PLEKHH2: variants seen among roughly 807,000 people sequenced by gnomAD.
PLEKHH2 encodes the protein pleckstrin homology, MyTH4 and FERM domain containing H2, also known as pleckstrin homology domain-containing family H member 2.
A neutral mutation model predicts 187.9 loss-of-function variants in PLEKHH2; 129 were observed. The observed-to-expected ratio is 0.69, with a 90% CI of 0.59 to 0.79. PLEKHH2 has a LOEUF of 0.79. PLEKHH2 is among the 30% of genes least tolerant of loss of function. PLEKHH2 has a pLI of 0.00. For synonymous variants in PLEKHH2, 686 were observed against 605.6 expected, an observed-to-expected ratio of 1.13 and a Z score of -1.95; for missense variants, 2,076 against 1,751.2, an observed-to-expected ratio of 1.19 and a Z score of -3.31.
chr2:43,639,060 C>T (rs1033680383), intron 1 of PLEKHH2, among the ~76,000 whole-genome samples: 5 of 152,092 alleles, frequency 3.3e-5, no homozygotes, highest in East Asian at 1.9e-4. Context: ...TAGCAAAGTG[C>T]GCTAGGTAAG....
intron 18 of PLEKHH2, 27 bp downstream of exon 18, chr2:43,729,772 C>A: frequency 6.8e-7 from 1 of 1,468,490 alleles, no homozygotes; most frequent in Admixed American, 2.2e-5. Context: ...ATAAATAAAG[C>A]TTTATGGTTA....
intron 2 of PLEKHH2, chr2:43,676,366 G>A (rs759274710): frequency 6.7e-7 from 1 of 1,502,522 alleles, no homozygotes; most frequent in Non-Finnish European, 9.0e-7. Context: ...AGGCAGCCTG[G>A]GACCGGGTCC....
rs201634365 is a variant in PLEKHH2, at chr2:43,699,637, C to G, written c.689-10C>G. On this transcript the variant is annotated splice_polypyrimidine_tract_variant and intron_variant, in intron 7 of 29. Transcript: ENST00000282406. ...AAGGCAGCATGCTGATATGATGTAT[C>G]CTTTTCTAGAAATGGAAATTCCAGA... is the stretch of plus-strand genomic sequence containing the variant. 4.4e-6 allele frequency: 7 copies of G among 1,608,334 alleles called. No homozygotes were observed. In the East Asian group the frequency reaches 1.3e-4, roughly 31 times the overall value.
intron 2 of PLEKHH2, among the ~76,000 whole-genome samples, chr2:43,670,625 T>C (rs889818147): frequency 4.5e-5 from 2 of 44,876 alleles, no homozygotes; most frequent in African/African-American, 1.7e-4. Context: ...ATATTCTAAT[T>C]TTTTTTTTTT....
chr2:43,652,537 C>G (rs2104352606), intron 2 of PLEKHH2, among the ~76,000 whole-genome samples: 1 of 152,272 alleles, frequency 6.6e-6, no homozygotes, highest in Non-Finnish European at 1.5e-5. Flanking sequence ...ACCCTTTATT[C>G]TACAGGAGGA....
intron 6 of PLEKHH2, among the ~76,000 whole-genome samples, chr2:43,696,147 AC>A (rs751707660): frequency 2.0e-4 from 31 of 152,080 alleles, no homozygotes; most frequent in Non-Finnish European, 3.8e-4. Context: ...TTTAAAAAAA[AC>A]ATATATCTCC....
At chr2:43,726,652 G>T (rs1253727946) in intron 17 of PLEKHH2, among the ~76,000 whole-genome samples, 1 of 152,084 alleles carries the variant, frequency 6.6e-6, no homozygotes. Flanking sequence ...TGGTAAGAGT[G>T]GTATCAAGGC....
Position 43,726,427 on chromosome 2 carries a change from C to T in PLEKHH2, c.2697C>T (p.Leu899=), listed in dbSNP as rs1237006118. ...CCAAAGACCAAGGTCCAACTTACCT[C>T]CTAATTGGATCCAAGCATGAAAAGG... The part of the protein sequence containing the change: ...IHPKDQGPTY[L]LIGSKHEKDT... The change falls in exon 17 of 30, where the codon CTC becomes CTT. Residue 899 remains leucine (L), a synonymous_variant. Coordinates refer to ENST00000282406, the MANE Select transcript of PLEKHH2 (RefSeq NM_172069.4). 1 of 1,609,928 alleles carries T rather than the reference C, an allele frequency of 6.2e-7. No homozygotes were observed. Among genetic ancestry groups the T allele is most frequent in the Admixed American group, 1.7e-5 (1 of 59,972 alleles).
At chr2:43,715,168 C>T (rs556913492) in intron 15 of PLEKHH2, among the ~76,000 whole-genome samples, 4 of 151,510 alleles carry the variant, frequency 2.6e-5, no homozygotes, top group Admixed American at 6.6e-5. Context: ...CCCAGCTACT[C>T]GGGAGGCTGA....
intron 2 of PLEKHH2, among the ~76,000 whole-genome samples, chr2:43,654,553 T>G (rs1666648718): frequency 1.4e-5 from 2 of 139,436 alleles, no homozygotes; most frequent in Non-Finnish European, 3.1e-5. Flanking sequence ...TTAAAACTCT[T>G]AACTCCTTAA....
At chr2:43,654,414 C>A (rs1053813547) in intron 2 of PLEKHH2, among the ~76,000 whole-genome samples, 9 of 151,870 alleles carry the variant, frequency 5.9e-5, no homozygotes, top group Admixed American at 4.6e-4. Flanking sequence ...CCAGGATGGT[C>A]TCGATCTCTT....
chr2:43,691,766 G>A (rs1298892745), intron 3 of PLEKHH2, among the ~76,000 whole-genome samples: 3 of 152,116 alleles, frequency 2.0e-5, no homozygotes, highest in African/African-American at 7.2e-5. Flanking sequence ...CAAGCTATCT[G>A]CCTGCCTCGG....
At position 43,700,349 on chromosome 2, in the gene PLEKHH2, G is replaced by T. The variant is rs759434875; in HGVS notation, c.1391G>T (p.Ser464Ile). 8 of 1,614,108 alleles carry T rather than the reference G, an allele frequency of 5.0e-6. No homozygotes were observed. The African/African-American group carries it at 9.3e-5, about 19-fold the overall frequency. ...AKRHLSQPQL[S>I]SDRMFGTNRN... ...AGGCACTTAAGCCAGCCACAGTTAA[G>T]CTCTGACAGGATGTTTGGTACAAAT... The change falls in exon 8 of 30, where the codon AGC (serine) becomes ATC (isoleucine). Residue 464 changes from serine (S) to isoleucine (I), a missense_variant. By Grantham distance (142) the Ser-to-Ile change is moderately radical. Coordinates refer to ENST00000282406, the MANE Select transcript of PLEKHH2 (RefSeq NM_172069.4).
intron 19 of PLEKHH2, among the ~76,000 whole-genome samples, chr2:43,735,451 G>A (rs1272149915): frequency 6.6e-6 from 1 of 152,056 alleles, no homozygotes; most frequent in Non-Finnish European, 1.5e-5. Flanking sequence ...GATGAAAGGA[G>A]GTTGGTTAAT....
chr2:43,716,883 T>C (rs567614684), intron 15 of PLEKHH2, among the ~76,000 whole-genome samples: 47 of 152,348 alleles, frequency 3.1e-4, no homozygotes, highest in African/African-American at 1.1e-3. Flanking sequence ...TATTATTTCC[T>C]ATAACCATCT....
chr2:43,749,360 C>T (rs932194395), intron 24 of PLEKHH2, among the ~76,000 whole-genome samples: 13 of 152,152 alleles, frequency 8.5e-5, no homozygotes, highest in African/African-American at 2.7e-4. Flanking sequence ...CTAGACCAAA[C>T]CAATAGATTT....
At chr2:43,743,010 C>T in intron 22 of PLEKHH2, 92 bp downstream of exon 22, 4 of 1,016,020 alleles carry the variant, frequency 3.9e-6, no homozygotes, top group Non-Finnish European at 5.4e-6. Context: ...CTTTTGTCAG[C>T]ACCTGGCAGT....
chr2:43,648,106 C>G (rs950302750), intron 2 of PLEKHH2, among the ~76,000 whole-genome samples: 1 of 152,184 alleles, frequency 6.6e-6, no homozygotes, highest in African/African-American at 2.4e-5. Context: ...ATCTTTCAGA[C>G]TTGTGATGCA....
At chr2:43,686,387 G>T (rs1668509600) in intron 3 of PLEKHH2, among the ~76,000 whole-genome samples, 1 of 152,164 alleles carries the variant, frequency 6.6e-6, no homozygotes, top group Non-Finnish European at 1.5e-5. Flanking sequence ...AGTAGAGACG[G>T]TGTTTCATCA....
Sources: allele counts gnomAD v4.1 joint callset (sites outside exome capture counted in the v4.1 genomes callset), GRCh38; gene constraint gnomAD v4.1.1; transcripts MANE v1.5; gene names NCBI Gene and HGNC (gene_info 2026-07-23, HGNC 2026-07-21).